Variants in PAGE2B observed in about 807,000 individuals in gnomAD.
PAGE2B encodes the protein putative G antigen family E member 3.
Under a neutral mutation model 7.6 loss-of-function variants are expected in PAGE2B, and 5 were observed. That is an observed-to-expected ratio of 0.66 (90% confidence interval 0.34 to 1.38). The LOEUF (loss-of-function observed/expected upper bound fraction) is 1.38. PAGE2B is among the 40% of genes most tolerant of loss of function. The pLI, the probability that PAGE2B is intolerant of heterozygous loss-of-function variation, is 0.04. For synonymous variants in PAGE2B, 29 were observed against 26.7 expected, an observed-to-expected ratio of 1.09 and a Z score of -0.27; for missense variants, 70 against 78.4, an observed-to-expected ratio of 0.89 and a Z score of 0.41.
At chrX:55,047,656 C>A in the PAGE2B span, among the ~76,000 whole-genome samples, 25 of 112,004 alleles carry the variant, frequency 2.2e-4, no homozygotes, top group African/African-American at 8.1e-4. Flanking sequence ...ATTTGCATTT[C>A]TCTGATGGCC....
the PAGE2B span, among the ~76,000 whole-genome samples, chrX:55,043,742 C>T: frequency 9.1e-6 from 1 of 110,231 alleles, no homozygotes; most frequent in East Asian, 2.9e-4. Context: ...CTGAGGTGGG[C>T]GGATCACCTG....
the PAGE2B span, among the ~76,000 whole-genome samples, chrX:55,035,595 T>TTCTTCTAAATGTTACTGCAAGAATGA: frequency 8.9e-6 from 1 of 111,800 alleles, no homozygotes; most frequent in African/African-American, 3.3e-5. Flanking sequence ...CTCATCCTGG[T>TTCTTCTAAATGTTACTGCAAGAATGA]ACTTGGTTCT....
chrX:55,044,274 C>G, the PAGE2B span, among the ~76,000 whole-genome samples: 2 of 111,496 alleles, frequency 1.8e-5, no homozygotes, highest in South Asian at 7.5e-4. Flanking sequence ...TGTATACACA[C>G]CATGGAATAC....
At chrX:55,028,248 A>G in the PAGE2B span, among the ~76,000 whole-genome samples, 1 of 110,928 alleles carries the variant, frequency 9.0e-6, no homozygotes, top group Non-Finnish European at 1.9e-5. Context: ...CCACTCCCCA[A>G]GCTGAGACCA....
chrX:55,076,590 A>G lies in PAGE2B; in HGVS notation c.106A>G (p.Lys36Glu), dbSNP rs1254366404. The change falls in exon 3 of 5, where the codon AAA (lysine) becomes GAA (glutamate). Residue 36 changes from lysine (K) to glutamate (E), a missense_variant. Physicochemically the swap from Lys to Glu is moderately conservative, Grantham distance 56. Transcript: ENST00000374971. Reference sequence around the variant, plus strand: ...TTAGGTCCAGGAGCCCACTGAGGAAAAACGTCAAGAAGAGGAACCACCAAC... The same window carrying G: ...TTAGGTCCAGGAGCCCACTGAGGAAGAACGTCAAGAAGAGGAACCACCAAC... ...SVIVQEPTEE[K>E]RQEEEPPTDN... 2.5e-6 allele frequency: 3 copies of G among 1,206,986 alleles called. No homozygotes were observed. The highest frequency in any genetic ancestry group is 3.0e-5 in the East Asian group (1 of 33,769).
the PAGE2B span, among the ~76,000 whole-genome samples, chrX:55,064,179 T>C: frequency 1.8e-5 from 2 of 111,486 alleles, no homozygotes; most frequent in South Asian, 3.7e-4. Flanking sequence ...AGTGTAGCCA[T>C]TGGATCCTGA....
the PAGE2B span, among the ~76,000 whole-genome samples, chrX:55,035,850 G>A: frequency 8.9e-6 from 1 of 112,047 alleles, no homozygotes; most frequent in South Asian, 3.7e-4. Context: ...GTCATTGGTA[G>A]CTTGATGGGG....
chrX:55,042,379 C>T, the PAGE2B span, among the ~76,000 whole-genome samples: 2 of 110,739 alleles, frequency 1.8e-5, no homozygotes, highest in East Asian at 5.7e-4. Flanking sequence ...ACAAGGAAAA[C>T]TATAAAACAC....
At chrX:55,046,153 G>A in the PAGE2B span, among the ~76,000 whole-genome samples, 13 of 110,545 alleles carry the variant, frequency 1.2e-4, no homozygotes, top group South Asian at 7.7e-4. Flanking sequence ...TCATACTGTC[G>A]CCTGGGCTGG....
At chrX:55,052,042 C>G in the PAGE2B span, among the ~76,000 whole-genome samples, 1 of 112,250 alleles carries the variant, frequency 8.9e-6, no homozygotes. Flanking sequence ...GGACCCTCAG[C>G]TGCAGGTCTT....
the PAGE2B span, among the ~76,000 whole-genome samples, chrX:55,061,799 T>A: frequency 4.5e-5 from 5 of 111,326 alleles, no homozygotes; most frequent in African/African-American, 1.6e-4. Flanking sequence ...TCTCCATGAG[T>A]TCAATTATTT....
At chrX:55,051,022 C>T in the PAGE2B span, among the ~76,000 whole-genome samples, 11 of 110,918 alleles carry the variant, frequency 9.9e-5, no homozygotes, top group South Asian at 7.6e-4. Context: ...AAAATCTGTC[C>T]GCTTTTGCTT....
the PAGE2B span, among the ~76,000 whole-genome samples, chrX:55,030,045 C>A: frequency 9.8e-6 from 1 of 101,619 alleles, no homozygotes; most frequent in Admixed American, 1.2e-4. Flanking sequence ...AAACATCAGG[C>A]CTTACTTCTC....
chrX:55,048,764 G>A, the PAGE2B span, among the ~76,000 whole-genome samples: 1 of 111,659 alleles, frequency 9.0e-6, no homozygotes, highest in Non-Finnish European at 1.9e-5. Context: ...AGGACAACTT[G>A]ACTTCCTCTT....
chrX:55,028,118 A>G, the PAGE2B span, among the ~76,000 whole-genome samples: 1 of 111,161 alleles, frequency 9.0e-6, no homozygotes, highest in Non-Finnish European at 1.9e-5. Flanking sequence ...TCCAGTGCCT[A>G]CCTCATATCT....
At chrX:55,045,332 A>G in the PAGE2B span, among the ~76,000 whole-genome samples, 1 of 111,594 alleles carries the variant, frequency 9.0e-6, no homozygotes, top group Non-Finnish European at 1.9e-5. Flanking sequence ...TGACAGAACC[A>G]AAACAGTTTT....
intron 4 of PAGE2B, among the ~76,000 whole-genome samples, chrX:55,077,898 A>G (rs1848964632): frequency 9.3e-6 from 1 of 107,529 alleles, no homozygotes; most frequent in South Asian, 3.9e-4. Flanking sequence ...AATTAGCTTG[A>G]TGTAGCCATT....
At chrX:55,045,427 C>T in the PAGE2B span, among the ~76,000 whole-genome samples, 3 of 111,466 alleles carry the variant, frequency 2.7e-5, no homozygotes, top group South Asian at 1.1e-3. Context: ...GAGTTGGGGG[C>T]CTAAGGAATG....
At chrX:55,039,525 C>A in the PAGE2B span, among the ~76,000 whole-genome samples, 1 of 108,128 alleles carries the variant, frequency 9.2e-6, no homozygotes, top group African/African-American at 3.4e-5. Context: ...CAGATTGGGC[C>A]ACTAAAATTA....
Sources: allele counts gnomAD v4.1 joint callset (sites outside exome capture counted in the v4.1 genomes callset), GRCh38; gene constraint gnomAD v4.1.1; transcripts MANE v1.5; gene names NCBI Gene and HGNC (gene_info 2026-07-23, HGNC 2026-07-21).